The following OR9Q1 variants were observed in gnomAD, a reference collection of about 807,000 sequenced individuals.
OR9Q1 encodes the protein olfactory receptor 9Q1.
For missense variants in OR9Q1, 374 were observed against 378.8 expected, an observed-to-expected ratio of 0.99 and a Z score of 0.11; for synonymous variants, 153 against 148.6, an observed-to-expected ratio of 1.03 and a Z score of -0.22.
chr11:58,085,739 A>G (rs1165247258), intron 2 of OR9Q1, among the ~76,000 whole-genome samples: 1 of 151,880 alleles, frequency 6.6e-6, no homozygotes, highest in Admixed American at 6.6e-5. Flanking sequence ...ATAATCTTCA[A>G]TGGGCTCTTT....
chr11:58,055,376 A>G (rs1426916445), intron 1 of OR9Q1, among the ~76,000 whole-genome samples: 2 of 152,080 alleles, frequency 1.3e-5, no homozygotes, highest in Non-Finnish European at 2.9e-5. Flanking sequence ...GATCTTTGCT[A>G]TGGTTTGGAT....
At chr11:58,116,966 G>A (rs1565080328) in intron 2 of OR9Q1, 1 of 152,084 alleles carries the variant, frequency 6.6e-6, no homozygotes, top group Non-Finnish European at 1.5e-5. Context: ...ACCTTTCCAG[G>A]TAAGTACTCG....
rs77822542 is a variant in OR9Q1 at position 58,176,720 on chromosome 11, A to G, written c.-14-2711A>G. On this transcript the variant is annotated intron_variant, in intron 2 of 2. Coordinates refer to ENST00000335397, the MANE Select transcript of OR9Q1 (RefSeq NM_001005212.4). ...GTTATTATTGTCCCCATATTGATGC[A>G]CACATTGTGTGTGCATGTGTGTGAG... Among the ~76,000 whole-genome samples the G allele has an allele frequency of 3.6e-3, 552 of 152,268 alleles. 1 individual carries two copies. The highest frequency in any genetic ancestry group is 6.1e-3 in the Non-Finnish European group (418 of 68,020).
intron 2 of OR9Q1, among the ~76,000 whole-genome samples, chr11:58,087,379 A>G (rs1223977394): frequency 2.0e-5 from 3 of 151,778 alleles, no homozygotes; most frequent in Admixed American, 6.6e-5. Context: ...ATCATACAGT[A>G]TGAAGTCATT....
intron 1 of OR9Q1, chr11:58,031,447 C>T: frequency 1.2e-6 from 2 of 1,614,184 alleles, no homozygotes; most frequent in Non-Finnish European, 1.7e-6. Flanking sequence ...TGCCAATCTA[C>T]CTCTTGTCTC....
intron 2 of OR9Q1, among the ~76,000 whole-genome samples, chr11:58,107,185 T>C (rs10750884): frequency 0.56 from 85,166 of 151,768 alleles, 24,919 homozygotes; most frequent in South Asian, 0.74. Flanking sequence ...TATATGTATA[T>C]ATGTGCCATG....
At position 58,105,588 on chromosome 11, in the gene OR9Q1, T is replaced by A. The variant is rs1430079308; in HGVS notation, c.-15+49641T>A. Among the ~76,000 whole-genome samples, 4 of 152,294 alleles carry A rather than the reference T, an allele frequency of 2.6e-5. No individual in the cohort carries two copies. The East Asian group carries it at 7.7e-4, about 29-fold the overall frequency. ...TATAGGCTCTAGGTTGTGCAGTAGA[T>A]CTCTGGGACTTATTCATCTTTTTTA... On this transcript the variant is annotated intron_variant, in intron 2 of 2. Transcript: ENST00000335397.
chr11:58,165,310 G>A (rs1854490587), intron 2 of OR9Q1, among the ~76,000 whole-genome samples: 1 of 152,172 alleles, frequency 6.6e-6, no homozygotes, highest in Admixed American at 6.5e-5. Flanking sequence ...GATAAATTGT[G>A]TTTCTTCCAG....
chr11:58,114,941 G>C (rs1439526432), intron 2 of OR9Q1, among the ~76,000 whole-genome samples: 7 of 152,112 alleles, frequency 4.6e-5, no homozygotes, highest in Non-Finnish European at 1.0e-4. Flanking sequence ...TATTAGCCTG[G>C]ATTCTAGGAA....
In OR9Q1 at chr11:58,026,705, A is replaced by C. The variant is rs967224631; in HGVS notation, c.-93+2601A>C. The stretch of plus-strand genomic sequence containing the variant: ...ACCAAAAAAAAAAAAAAAAAAAAAA[A>C]AAAGATATGGAATGCTTCACAAATT... On this transcript the variant is annotated intron_variant, in intron 1 of 2. Coordinates refer to ENST00000335397, the MANE Select transcript of OR9Q1 (RefSeq NM_001005212.4). 38 of 146,388 alleles carry C rather than the reference A, an allele frequency of 2.6e-4. 1 individual carries two copies. The highest frequency in any genetic ancestry group is 8.0e-4 in the African/African-American group (32 of 39,868). The allele number at this position is 146,388 out of a possible 1,614,324, so 9.1% of individuals were successfully genotyped here.
chr11:58,048,537 T>C (rs1853243387), intron 1 of OR9Q1, among the ~76,000 whole-genome samples: 1 of 150,708 alleles, frequency 6.6e-6, no homozygotes, highest in South Asian at 2.1e-4. Flanking sequence ...TGGCACATGC[T>C]GTAGCCCCAG....
intron 2 of OR9Q1, among the ~76,000 whole-genome samples, chr11:58,067,952 T>C (rs1169118847): frequency 6.6e-6 from 1 of 152,064 alleles, no homozygotes; most frequent in Non-Finnish European, 1.5e-5. Flanking sequence ...TATTTCCCTA[T>C]GGGGGAGGGT....
intron 2 of OR9Q1, among the ~76,000 whole-genome samples, chr11:58,066,564 G>A (rs536126091): frequency 3.9e-5 from 6 of 152,218 alleles, no homozygotes; most frequent in East Asian, 1.9e-4. Context: ...CCAGGTCTCC[G>A]AGACTTTCTT....
intron 1 of OR9Q1, among the ~76,000 whole-genome samples, chr11:58,038,068 G>A (rs1853126167): frequency 6.6e-6 from 1 of 151,570 alleles, no homozygotes; most frequent in Admixed American, 6.6e-5. Context: ...ACATAAAACG[G>A]TAAAAAGTCT....
At chr11:58,068,921 T>C (rs1853460533) in intron 2 of OR9Q1, among the ~76,000 whole-genome samples, 1 of 152,030 alleles carries the variant, frequency 6.6e-6, no homozygotes, top group African/African-American at 2.4e-5. Flanking sequence ...GAATATAAAT[T>C]GTCCAACACA....
At chr11:58,168,020 A>G (rs1013545644) in intron 2 of OR9Q1, among the ~76,000 whole-genome samples, 1 of 152,208 alleles carries the variant, frequency 6.6e-6, no homozygotes, top group Non-Finnish European at 1.5e-5. Context: ...CATCAATACA[A>G]TCAACACGGC....
At chr11:58,143,972 A>G (rs1182748636) in intron 2 of OR9Q1, among the ~76,000 whole-genome samples, 2 of 152,204 alleles carry the variant, frequency 1.3e-5, no homozygotes, top group East Asian at 3.8e-4. Flanking sequence ...AAAGATTATT[A>G]TAATTAGTGA....
intron 1 of OR9Q1, chr11:58,031,103 G>A (rs1228321418): frequency 1.2e-6 from 2 of 1,614,116 alleles, no homozygotes; most frequent in Non-Finnish European, 1.7e-6. Context: ...CATTTTAGTG[G>A]TGGGTTTGGA....
Position 58,179,594 on chromosome 11 carries a change from C to A in OR9Q1, c.150C>A (p.Leu50=), listed in dbSNP as rs773218353. ...ACTTAGAGATGATTATTCTGATCCTCATGGATCACCAGCTCCACGCTCCAA... is the reference window on the plus strand; with the variant it reads ...ACTTAGAGATGATTATTCTGATCCTAATGGATCACCAGCTCCACGCTCCAA... ...LGNLEMIILI[L]MDHQLHAPMY... Residue 50 remains leucine (L), a synonymous_variant, in exon 3 of 3, where the codon CTC becomes CTA. Coordinates refer to ENST00000335397, the MANE Select transcript of OR9Q1 (RefSeq NM_001005212.4). 1 of 1,613,504 alleles carries A rather than the reference C, an allele frequency of 6.2e-7. No homozygotes were observed. Among genetic ancestry groups the A allele is most frequent in the Admixed American group, 1.7e-5 (1 of 59,980 alleles).
Sources: allele counts gnomAD v4.1 joint callset (sites outside exome capture counted in the v4.1 genomes callset), GRCh38; gene constraint gnomAD v4.1.1; transcripts MANE v1.5; gene names NCBI Gene and HGNC (gene_info 2026-07-23, HGNC 2026-07-21).